Variants in SHANK2 observed in about 807,000 individuals in gnomAD.
SHANK2 encodes SH3 and multiple ankyrin repeat domains protein 2.
Under a neutral mutation model 133.7 loss-of-function variants are expected in SHANK2, and 43 were observed. The observed-to-expected ratio is 0.32, with a 90% confidence interval of 0.25 to 0.41. SHANK2 has a LOEUF of 0.41. Ranked by LOEUF, SHANK2 falls within the 10% of genes least tolerant of loss-of-function variation. The probability of loss-of-function intolerance (pLI) is 1.00; values close to 1 mark genes in which losing one functional copy is unlikely to be tolerated. For missense variants in SHANK2, 1,994 were observed against 2,235.8 expected, an observed-to-expected ratio of 0.89 and a Z score of 2.18; for synonymous variants, 1,017 against 952.8, an observed-to-expected ratio of 1.07 and a Z score of -1.24.
At chr11:70,683,105 G>C (rs1945062685) in intron 15 of SHANK2, among the ~76,000 whole-genome samples, 1 of 152,120 alleles carries the variant, frequency 6.6e-6, no homozygotes, top group Admixed American at 6.6e-5. Context: ...CGCTGGCTCA[G>C]GATTTGACAA....
Position 71,073,147 on chromosome 11 carries a change from C to CTTTTTTTTTTTTTTGTT in SHANK2, c.1029+2011_1029+2012insAACAAAAAAAAAAAAAA, listed in dbSNP as rs1156355131. ...TTTTTGTTTTTTTTCTTTTTCTTTT[C>CTTTTTTTTTTTTTTGTT]TTTTTTTTCTTTTTTTTCTTTTTTT... On this transcript the variant is annotated intron_variant, in intron 9 of 25. Coordinates refer to ENST00000601538, the MANE Select transcript of SHANK2 (RefSeq NM_012309.5). 3.2e-5 allele frequency among the ~76,000 whole-genome samples: 2 copies of CTTTTTTTTTTTTTTGTT among 62,716 alleles called. 1 individual carries two copies. The highest frequency in any genetic ancestry group is 7.8e-5 in the Non-Finnish European group (2 of 25,548). 41.1% of individuals were successfully genotyped at this position (62,716 alleles called of 152,430 possible). A position where few individuals can be genotyped will look rare whatever the true frequency, so the allele number is the denominator to read the frequency against.
chr11:70,722,566 G>T (rs139453917), intron 14 of SHANK2, among the ~76,000 whole-genome samples: 4 of 152,254 alleles, frequency 2.6e-5, no homozygotes, highest in Non-Finnish European at 5.9e-5. Flanking sequence ...TTGAAATTAC[G>T]TATATTGTTA....
chr11:70,526,484 G>A (rs1385327656), intron 17 of SHANK2, among the ~76,000 whole-genome samples: 5 of 152,174 alleles, frequency 3.3e-5, no homozygotes, highest in African/African-American at 1.2e-4. Flanking sequence ...TCTCTACCCC[G>A]AGGTGAACAT....
At chr11:71,149,181 T>C (rs184080451) in intron 2 of SHANK2, among the ~76,000 whole-genome samples, 32 of 152,120 alleles carry the variant, frequency 2.1e-4, no homozygotes, top group African/African-American at 7.2e-4. Flanking sequence ...ATAAGGACAG[T>C]CCTGAGCTGA....
intron 14 of SHANK2, among the ~76,000 whole-genome samples, chr11:70,789,230 A>G (rs1947734066): frequency 6.6e-6 from 1 of 152,144 alleles, no homozygotes; most frequent in African/African-American, 2.4e-5. Flanking sequence ...GGCACCTCCC[A>G]TTAAGGGCAA....
At chr11:71,103,440 C>T (rs1337245592) in intron 6 of SHANK2, among the ~76,000 whole-genome samples, 10 of 152,194 alleles carry the variant, frequency 6.6e-5, no homozygotes, top group African/African-American at 2.4e-4. Context: ...CCGGGAAAAC[C>T]GGATACACTG....
At chr11:70,666,860 T>C (rs1460585918) in intron 15 of SHANK2, among the ~76,000 whole-genome samples, 3 of 152,278 alleles carry the variant, frequency 2.0e-5, no homozygotes, top group Admixed American at 1.3e-4. Flanking sequence ...CCCGTGCTTA[T>C]TGATTGAACA....
At chr11:71,082,947 C>T (rs1173221242) in intron 8 of SHANK2, among the ~76,000 whole-genome samples, 1 of 147,066 alleles carries the variant, frequency 6.8e-6, no homozygotes, top group Non-Finnish European at 1.5e-5. Flanking sequence ...ACGCCCGCCC[C>T]CCCCCCAACC....
chr11:71,139,610 C>T (rs1952514796), intron 3 of SHANK2, among the ~76,000 whole-genome samples: 1 of 152,194 alleles, frequency 6.6e-6, no homozygotes, highest in Non-Finnish European at 1.5e-5. Context: ...TAACAGAGCT[C>T]ACCAGTTTGT....
chr11:70,628,625 A>G (rs1487606819), intron 17 of SHANK2, among the ~76,000 whole-genome samples: 1 of 152,162 alleles, frequency 6.6e-6, no homozygotes, highest in African/African-American at 2.4e-5. Flanking sequence ...CGCCAGCCCC[A>G]TGCTCACTCC....
chr11:70,509,755 T>C (rs1554969010), intron 17 of SHANK2, among the ~76,000 whole-genome samples: 1 of 152,134 alleles, frequency 6.6e-6, no homozygotes, highest in Admixed American at 6.5e-5. Flanking sequence ...GGAGCCTTCG[T>C]GAATGGGATT....
intron 15 of SHANK2, among the ~76,000 whole-genome samples, chr11:70,679,451 C>T (rs142448669): frequency 2.0e-5 from 3 of 152,340 alleles, no homozygotes; most frequent in African/African-American, 7.2e-5. Flanking sequence ...CCTGCACCCT[C>T]GGCCCCCTCT....
chr11:71,235,868 C>T (rs535740817), intron 1 of SHANK2, among the ~76,000 whole-genome samples: 2 of 152,348 alleles, frequency 1.3e-5, no homozygotes, highest in African/African-American at 2.4e-5. Context: ...CACACTCTCT[C>T]ACATGTGTGT....
At chr11:70,661,547 ACACACAC>A in intron 16 of SHANK2, 42 bp downstream of exon 16, 4 of 1,391,830 alleles carry the variant, frequency 2.9e-6, no homozygotes, top group Non-Finnish European at 4.1e-6. Context: ...ACACACACAC[ACACACAC>A]AAACATGGGA....
At chr11:71,216,263 A>G (rs1233585898) in intron 2 of SHANK2, among the ~76,000 whole-genome samples, 3 of 152,260 alleles carry the variant, frequency 2.0e-5, no homozygotes, top group Non-Finnish European at 4.4e-5. Context: ...ATGCTGTATC[A>G]TATGGTGCAG....
At chr11:70,664,646 C>T (rs374087155) in intron 15 of SHANK2, among the ~76,000 whole-genome samples, 8 of 152,218 alleles carry the variant, frequency 5.3e-5, no homozygotes, top group African/African-American at 7.2e-5. Flanking sequence ...CAGTGCCCAA[C>T]GCCATCCAAA....
chr11:70,901,427 G>A (rs1412823163), intron 10 of SHANK2, among the ~76,000 whole-genome samples: 2 of 152,162 alleles, frequency 1.3e-5, no homozygotes, highest in South Asian at 2.1e-4. Flanking sequence ...GCAGGGGAAG[G>A]ACTAGTCCTG....
chr11:71,076,545 AC>A (rs1277181416), intron 8 of SHANK2, among the ~76,000 whole-genome samples: 1 of 151,982 alleles, frequency 6.6e-6, no homozygotes, highest in African/African-American at 2.4e-5. Flanking sequence ...AAAAAAAAAA[AC>A]CACACACACA....
At chr11:70,701,621 G>T (rs1193612680) in intron 14 of SHANK2, among the ~76,000 whole-genome samples, 1 of 151,994 alleles carries the variant, frequency 6.6e-6, no homozygotes, top group Non-Finnish European at 1.5e-5. Flanking sequence ...AGCCAGGATG[G>T]TCTCAATCTC....
Sources: allele counts gnomAD v4.1 joint callset (sites outside exome capture counted in the v4.1 genomes callset), GRCh38; gene constraint gnomAD v4.1.1; transcripts MANE v1.5; gene names NCBI Gene and HGNC (gene_info 2026-07-23, HGNC 2026-07-21).